Variants in SMOX observed in about 807,000 individuals in gnomAD.
SMOX encodes flavin containing amine oxidase.
A neutral mutation model predicts 51.0 loss-of-function variants in SMOX; 22 were observed. The ratio of observed to expected loss-of-function variants is 0.43; its 90% confidence interval spans 0.31 to 0.62. The LOEUF (loss-of-function observed/expected upper bound fraction) is 0.62, where lower values mean the gene tolerates loss of function less well. Among genes scored for constraint, SMOX ranks in the 20% least tolerant of loss-of-function variants. The probability of loss-of-function intolerance (pLI) is 0.10; values close to 1 mark genes in which losing one functional copy is unlikely to be tolerated. For missense variants in SMOX, 566 were observed against 777.7 expected, an observed-to-expected ratio of 0.73 and a Z score of 3.24; for synonymous variants, 282 against 307.8, an observed-to-expected ratio of 0.92 and a Z score of 0.88.
rs1986774954 is a variant in SMOX, at chr20:4,170,415, C to T, written c.-26-4615C>T. Among the ~76,000 whole-genome samples, 1 of 152,098 alleles carries T rather than the reference C, an allele frequency of 6.6e-6. No homozygotes were observed. Among genetic ancestry groups the T allele is most frequent in the East Asian group, 1.9e-4 (1 of 5,174 alleles). ...CAGACGTTGGAGACCAGGACTAACG[C>T]GTGTCTCTCTAGTATTTGGCCATTA... On this transcript the variant is annotated intron_variant, in intron 1 of 6. Transcript: ENST00000305958. The surrounding 1 kb of genome is among the most constrained non-coding windows in gnomAD (Gnocchi z 4.6).
intron 1 of SMOX, chr20:4,171,636 C>G (rs1301632291): frequency 6.6e-6 from 1 of 152,282 alleles, no homozygotes; most frequent in East Asian, 1.9e-4. Flanking sequence ...CCCCTGCTTA[C>G]TTGCGTGTCA....
chr20:4,167,224 G>C lies in SMOX; in HGVS notation c.-26-7806G>C, dbSNP rs146860603. On this transcript the variant is annotated intron_variant, in intron 1 of 6. Coordinates refer to ENST00000305958, the MANE Select transcript of SMOX (RefSeq NM_175839.3). The surrounding 1 kb of genome is among the most constrained non-coding windows in gnomAD (Gnocchi z 4.8). ...GATGTGAGGTGCCTGCATGATGTCA[G>C]TGTCAAGGTCCAGCCTGATAGTAGG... is the stretch of plus-strand genomic sequence containing the variant. 5.0e-3 allele frequency among the ~76,000 whole-genome samples: 769 copies of C among 152,278 alleles called. 6 individuals carry two copies. Among genetic ancestry groups the C allele is most frequent in the African/African-American group, 0.017 (704 of 41,554 alleles).
chr20:4,185,353 ACTC>A (rs1224558121), intron 6 of SMOX, among the ~76,000 whole-genome samples: 1 of 152,098 alleles, frequency 6.6e-6, no homozygotes, highest in Non-Finnish European at 1.5e-5. Flanking sequence ...CAGCCTCACT[ACTC>A]AGGGTAGGTA....
chr20:4,183,361 C>T lies in SMOX; in HGVS notation c.1370-133C>T. On this transcript the variant is annotated intron_variant, in intron 5 of 6. Transcript: ENST00000305958. This position sits in a 1 kb window ranked among gnomAD's most constrained non-coding sequence, Gnocchi z 4.3. ...GCCTCCCTCCTTCCTCTTCTATCCTCCGTGCCTACCCCTGGCAGTCTGGTC... is the reference window on the plus strand; with the variant it reads ...GCCTCCCTCCTTCCTCTTCTATCCTTCGTGCCTACCCCTGGCAGTCTGGTC... 7.5e-7 allele frequency: 1 copy of T among 1,334,892 alleles called. No homozygotes were observed. The highest frequency in any genetic ancestry group is 1.1e-6 in the Non-Finnish European group (1 of 938,234). The allele number at this position is 1,334,892 out of a possible 1,614,324, so 82.7% of individuals were successfully genotyped here.
intron 1 of SMOX, among the ~76,000 whole-genome samples, chr20:4,151,107 C>T (rs973780482): frequency 2.6e-5 from 4 of 152,184 alleles, no homozygotes; most frequent in Admixed American, 6.5e-5. Context: ...GCTGGGATTA[C>T]AGGCGTGAAC....
Position 4,149,189 on chromosome 20 carries a change from GC to G in SMOX, c.-27+218del, listed in dbSNP as rs965778873. Reference sequence around the variant, plus strand: ...GCTCGCGGGGAGCAGGGGGCGCCGCGCCCCCCTGGCTTCCGCCGGGGTAAGC... The same window carrying G: ...GCTCGCGGGGAGCAGGGGGCGCCGCGCCCCCTGGCTTCCGCCGGGGTAAGC... On this transcript the variant is annotated intron_variant, in intron 1 of 6. Transcript: ENST00000305958. The surrounding 1 kb of genome is among the most constrained non-coding windows in gnomAD (Gnocchi z 6.0). Among the ~76,000 whole-genome samples, 8 of 149,798 alleles carry G rather than the reference GC, an allele frequency of 5.3e-5. No homozygotes were observed. The highest frequency in any genetic ancestry group is 2.1e-4 in the South Asian group (1 of 4,814).
In SMOX at chr20:4,183,204, A is replaced by G; in HGVS notation, c.1370-290A>G. The G allele has an allele frequency of 1.8e-6, 1 of 568,822 alleles. No individual in the cohort carries two copies. The highest frequency in any genetic ancestry group is 3.2e-5 in the Admixed American group (1 of 31,692). The allele number at this position is 568,822 out of a possible 1,614,324, so 35.2% of individuals were successfully genotyped here. A position where few individuals can be genotyped will look rare whatever the true frequency, so the allele number is the denominator to read the frequency against. On this transcript the variant is annotated intron_variant, in intron 5 of 6. Transcript: ENST00000305958. This position sits in a 1 kb window ranked among gnomAD's most constrained non-coding sequence, Gnocchi z 4.3. ...TCACCCACTATTCCAGGAGGACCTC[A>G]CGAGAACCCCCGATATTAGGCGGGG... is the stretch of plus-strand genomic sequence containing the variant.
chr20:4,176,422 T>C (rs1177616631), intron 2 of SMOX, among the ~76,000 whole-genome samples: 1 of 152,156 alleles, frequency 6.6e-6, no homozygotes, highest in African/African-American at 2.4e-5. Flanking sequence ...AATGGCAAAG[T>C]CACGTTGCAA....
Position 4,181,773 on chromosome 20 carries a change from G to A in SMOX, c.436-30G>A. On this transcript the variant is annotated intron_variant, in intron 3 of 6. Transcript: ENST00000305958. The surrounding 1 kb of genome is among the most constrained non-coding windows in gnomAD (Gnocchi z 5.6). ...GTTTGAGATGGAGGTGTGATGAGGTGTTTTCAGTCTCATGGGGTCTCTCTG... is the reference window on the plus strand; with the variant it reads ...GTTTGAGATGGAGGTGTGATGAGGTATTTTCAGTCTCATGGGGTCTCTCTG... The A allele has an allele frequency of 6.2e-7, 1 of 1,607,106 alleles. No homozygotes were observed. Among genetic ancestry groups the A allele is most frequent in the Non-Finnish European group, 8.5e-7 (1 of 1,176,180 alleles).
In SMOX at chr20:4,177,519, A is replaced by G. The variant is rs1285798823; in HGVS notation, c.377A>G (p.Asn126Ser). The G allele has an allele frequency of 1.3e-6, 2 of 1,595,572 alleles. No individual in the cohort carries two copies. The change falls in exon 3 of 7, where the codon AAC (asparagine) becomes AGC (serine). Residue 126 changes from asparagine to serine, a missense_variant. Physicochemically the swap from Asn to Ser is conservative, Grantham distance 46 (BLOSUM62 1). Transcript: ENST00000305958. The surrounding 1 kb of genome is among the most constrained non-coding windows in gnomAD (Gnocchi z 4.3). ...SKNGVACYLT[N>S]HGRRIPKDVV... ...AATGGCGTGGCCTGCTACCTTACCA[A>G]CCACGGCCGCAGGATCCCCAAGGAC...
In SMOX at chr20:4,181,515, C is replaced by A. The variant is rs984603768; in HGVS notation, c.436-288C>A. 2.6e-5 allele frequency among the ~76,000 whole-genome samples: 4 copies of A among 152,208 alleles called. No homozygotes were observed. The highest frequency in any genetic ancestry group is 7.2e-5 in the African/African-American group (3 of 41,464). On this transcript the variant is annotated intron_variant, in intron 3 of 6. Coordinates refer to ENST00000305958, the MANE Select transcript of SMOX (RefSeq NM_175839.3). This position sits in a 1 kb window ranked among gnomAD's most constrained non-coding sequence, Gnocchi z 5.6. ...TCCATGAGGGGTGGCTTCTTTCCCA[C>A]AGACTGTATGGGCACCAAATGTTTC...
At position 4,172,281 on chromosome 20, in the gene SMOX, C is replaced by T. The variant is rs1978453811; in HGVS notation, c.-26-2749C>T. Among the ~76,000 whole-genome samples, 1 of 152,164 alleles carries T rather than the reference C, an allele frequency of 6.6e-6. No individual in the cohort carries two copies. Among genetic ancestry groups the T allele is most frequent in the Admixed American group, 6.5e-5 (1 of 15,290 alleles). ...GCCCAGGGTGGCGGCGTCCCCGTCG[C>T]AGCTGGCGCGGCCCCTCCGGAGCAC... On this transcript the variant is annotated intron_variant, in intron 1 of 6. Transcript: ENST00000305958. This position sits in a 1 kb window ranked among gnomAD's most constrained non-coding sequence, Gnocchi z 7.7.
At chr20:4,162,672 G>C (rs1283576125) in intron 1 of SMOX, among the ~76,000 whole-genome samples, 2 of 152,204 alleles carry the variant, frequency 1.3e-5, no homozygotes, top group Non-Finnish European at 2.9e-5. Flanking sequence ...CATCTTGGGG[G>C]AGACAAAACA....
chr20:4,177,484 C>T lies in SMOX; in HGVS notation c.342C>T (p.Leu114=). Residue 114 remains leucine, a synonymous_variant, in exon 3 of 7, where the codon CTC becomes CTT. Transcript: ENST00000305958. The surrounding 1 kb of genome is among the most constrained non-coding windows in gnomAD (Gnocchi z 4.3). ...AACGCAGCGTGGGCCGCATCAGCCT[C>T]TATTCCAAGAATGGCGTGGCCTGCT... is the stretch of plus-strand genomic sequence containing the variant. ...DGERSVGRIS[L]YSKNGVACYL... 6.3e-7 allele frequency: 1 copy of T among 1,586,218 alleles called. No homozygotes were observed. Among genetic ancestry groups the T allele is most frequent in the South Asian group, 1.1e-5 (1 of 87,128 alleles).
intron 1 of SMOX, among the ~76,000 whole-genome samples, chr20:4,155,240 A>G (rs1985954293): frequency 6.6e-6 from 1 of 151,896 alleles, no homozygotes; most frequent in South Asian, 2.1e-4. Flanking sequence ...CTCATAGAAG[A>G]CGGTAGTCTC....
At chr20:4,171,421 G>C (rs996940283) in intron 1 of SMOX, among the ~76,000 whole-genome samples, 1 of 152,150 alleles carries the variant, frequency 6.6e-6, no homozygotes, top group South Asian at 2.1e-4. Flanking sequence ...CTCCCTTTCA[G>C]TTGGACCACA....
rs1249017114 is a variant in SMOX at position 4,181,743 on chromosome 20, C to T, written c.436-60C>T. ...GAACTGGTGGGTTTGGGTTGGGGGCCTTCTGTTTGAGATGGAGGTGTGATG... is the reference window on the plus strand; with the variant it reads ...GAACTGGTGGGTTTGGGTTGGGGGCTTTCTGTTTGAGATGGAGGTGTGATG... On this transcript the variant is annotated intron_variant, in intron 3 of 6. Coordinates refer to ENST00000305958, the MANE Select transcript of SMOX (RefSeq NM_175839.3). This position sits in a 1 kb window ranked among gnomAD's most constrained non-coding sequence, Gnocchi z 5.6. 1.3e-6 allele frequency: 2 copies of T among 1,575,334 alleles called. No individual in the cohort carries two copies. Among genetic ancestry groups the T allele is most frequent in the African/African-American group, 1.3e-5 (1 of 74,148 alleles).
At chr20:4,178,780 T>C in intron 3 of SMOX, among the ~76,000 whole-genome samples, 1 of 151,576 alleles carries the variant, frequency 6.6e-6, no homozygotes, top group South Asian at 2.1e-4. Flanking sequence ...GCCTCCCAGG[T>C]TCAAGCGATT....
At chr20:4,162,722 C>G (rs1045953687) in intron 1 of SMOX, among the ~76,000 whole-genome samples, 3 of 152,204 alleles carry the variant, frequency 2.0e-5, no homozygotes, top group Non-Finnish European at 4.4e-5. Context: ...GATGAGGAGG[C>G]TTGGACCCAG....
Sources: gnomAD v4.1 joint callset for allele counts (sites outside exome capture counted in the v4.1 genomes callset) on GRCh38, gnomAD v4.1.1 for gene constraint, Gnocchi (gnomAD v3.1) non-coding constraint, MANE v1.5 for transcripts, NCBI Gene and HGNC (gene_info 2026-07-23, HGNC 2026-07-21) for gene names.